The following FBXW4 variants were observed in gnomAD, a reference collection of about 807,000 sequenced individuals.
The protein encoded by FBXW4 is F-box/WD repeat-containing protein 4.
A neutral mutation model predicts 61.8 loss-of-function variants in FBXW4; 40 were observed. The observed-to-expected ratio is 0.65, with a 90% CI of 0.50 to 0.84. The LOEUF (loss-of-function observed/expected upper bound fraction) is 0.84, where lower values mean the gene tolerates loss of function less well. Among genes scored for constraint, FBXW4 ranks in the 40% least tolerant of loss-of-function variants. FBXW4 has a pLI of 0.00. For synonymous variants in FBXW4, 311 were observed against 313.8 expected (o/e 0.99, Z 0.10); for missense variants, 672 against 753.8 (o/e 0.89, Z 1.27).
chr10:101,623,533 T>TA (rs1307069348), intron 6 of FBXW4, among the ~76,000 whole-genome samples: 11 of 152,170 alleles, frequency 7.2e-5, no homozygotes, highest in Middle Eastern at 3.4e-3. Flanking sequence ...GCTTGGCAGG[T>TA]AAAAAAACTA....
chr10:101,623,708 T>C (rs1048433048), intron 6 of FBXW4, among the ~76,000 whole-genome samples: 3 of 152,176 alleles, frequency 2.0e-5, no homozygotes. Flanking sequence ...GAAAAGAAAC[T>C]TTGGTATATC....
chr10:101,618,097 C>T (rs1306354080), intron 6 of FBXW4, among the ~76,000 whole-genome samples: 2 of 152,208 alleles, frequency 1.3e-5, no homozygotes, highest in South Asian at 2.1e-4. Flanking sequence ...GTGCAGGACA[C>T]GGCTTCCTTC....
At chr10:101,653,636 C>G (rs1490883757) in intron 5 of FBXW4, among the ~76,000 whole-genome samples, 1 of 152,244 alleles carries the variant, frequency 6.6e-6, no homozygotes, top group East Asian at 1.9e-4. Context: ...CAGCTTTCCT[C>G]TGATTTCCTG....
intron 6 of FBXW4, among the ~76,000 whole-genome samples, chr10:101,612,767 C>T (rs1445801835): frequency 6.6e-6 from 1 of 151,794 alleles, no homozygotes; most frequent in African/African-American, 2.4e-5. Flanking sequence ...CTCCTCAGGA[C>T]AATGAATGGG....
intron 7 of FBXW4, among the ~76,000 whole-genome samples, chr10:101,612,088 T>TGAC (rs2063791460): frequency 6.6e-6 from 1 of 152,164 alleles, no homozygotes; most frequent in African/African-American, 2.4e-5. Context: ...GAATATTGAG[T>TGAC]GACAGTACCC....
intron 6 of FBXW4, among the ~76,000 whole-genome samples, chr10:101,618,295 T>C (rs1589738978): frequency 6.6e-6 from 1 of 152,266 alleles, no homozygotes; most frequent in East Asian, 1.9e-4. Flanking sequence ...TCCAACACTG[T>C]GTTCAGTGGA....
At chr10:101,628,912 C>G (rs2063928226) in intron 5 of FBXW4, among the ~76,000 whole-genome samples, 1 of 152,224 alleles carries the variant, frequency 6.6e-6, no homozygotes, top group Non-Finnish European at 1.5e-5. Flanking sequence ...TTAACCAGAT[C>G]TTCAACCTGC....
intron 3 of FBXW4, 76 bp from the exon 4 acceptor site, chr10:101,673,123 A>G: frequency 6.5e-7 from 1 of 1,546,542 alleles, no homozygotes; most frequent in Non-Finnish European, 8.7e-7. Flanking sequence ...CTCCAGAAAC[A>G]GCCCAAGTCT....
intron 6 of FBXW4, among the ~76,000 whole-genome samples, chr10:101,622,089 T>A (rs558570763): frequency 4.0e-5 from 6 of 151,130 alleles, no homozygotes; most frequent in Non-Finnish European, 7.4e-5. Context: ...AAACCATGAT[T>A]CATTGATTAA....
chr10:101,679,287 C>T (rs2064448077), intron 1 of FBXW4, among the ~76,000 whole-genome samples: 1 of 152,204 alleles, frequency 6.6e-6, no homozygotes, highest in Non-Finnish European at 1.5e-5. Flanking sequence ...ATTTAACCAA[C>T]ATTTAATGTG....
chr10:101,634,237 A>C (rs886788441), intron 5 of FBXW4, among the ~76,000 whole-genome samples: 2 of 152,192 alleles, frequency 1.3e-5, no homozygotes, highest in Middle Eastern at 3.4e-3. Flanking sequence ...AATAAACAAA[A>C]ATCACTAGAA....
intron 1 of FBXW4, among the ~76,000 whole-genome samples, chr10:101,689,495 T>C (rs2064569444): frequency 6.6e-6 from 1 of 152,130 alleles, no homozygotes; most frequent in Non-Finnish European, 1.5e-5. Flanking sequence ...AATAAGGCCT[T>C]TCCAAACGCC....
chr10:101,656,013 C>T (rs544776444), intron 5 of FBXW4, among the ~76,000 whole-genome samples: 4 of 152,172 alleles, frequency 2.6e-5, no homozygotes, highest in African/African-American at 7.2e-5. Flanking sequence ...TTCACTTTAC[C>T]TCACACATCT....
chr10:101,662,537 C>T (rs1345271705), intron 5 of FBXW4, among the ~76,000 whole-genome samples: 1 of 152,150 alleles, frequency 6.6e-6, no homozygotes, highest in East Asian at 1.9e-4. Flanking sequence ...TACACCTATA[C>T]CACTCATATA....
chr10:101,683,646 G>C (rs2064502423), intron 1 of FBXW4, among the ~76,000 whole-genome samples: 1 of 152,092 alleles, frequency 6.6e-6, no homozygotes, highest in Non-Finnish European at 1.5e-5. Flanking sequence ...AAACTGGCTG[G>C]GGGGAAGGAA....
chr10:101,676,273 C>G, intron 2 of FBXW4, 68 bp downstream of exon 2: 1 of 1,393,134 alleles, frequency 7.2e-7, no homozygotes, highest in East Asian at 2.3e-5. Flanking sequence ...TATGTAGGAC[C>G]AGATTTTTTA....
intron 5 of FBXW4, among the ~76,000 whole-genome samples, chr10:101,658,670 T>G (rs1429958526): frequency 6.6e-6 from 1 of 151,926 alleles, no homozygotes. Context: ...GAGGATGGAG[T>G]GATCCTTCTA....
chr10:101,663,101 C>A (rs1054855195), intron 5 of FBXW4, among the ~76,000 whole-genome samples: 10 of 152,210 alleles, frequency 6.6e-5, no homozygotes, highest in African/African-American at 2.4e-4. Flanking sequence ...GAACTGGGTA[C>A]AAACTACTCC....
At chr10:101,637,441 C>T (rs1198122251) in intron 5 of FBXW4, among the ~76,000 whole-genome samples, 1 of 145,378 alleles carries the variant, frequency 6.9e-6, no homozygotes, top group Non-Finnish European at 1.5e-5. Context: ...GGCATAGTGG[C>T]TCATGCCTGT....
Sources: allele counts gnomAD v4.1 joint callset (sites outside exome capture counted in the v4.1 genomes callset), GRCh38; gene constraint gnomAD v4.1.1; transcripts MANE v1.5; gene names NCBI Gene and HGNC (gene_info 2026-07-23, HGNC 2026-07-21).